ZFHX3: variants seen among roughly 807,000 people sequenced by gnomAD.
ZFHX3 encodes zinc finger homeobox protein 3.
In ZFHX3, 42 loss-of-function variants were observed where a neutral mutation model predicts 279.1. That is an observed-to-expected ratio of 0.15 (90% CI 0.12 to 0.19). The LOEUF (loss-of-function observed/expected upper bound fraction) is 0.19, where lower values mean the gene tolerates loss of function less well. Ranked by LOEUF, ZFHX3 falls within the 10% of genes least tolerant of loss-of-function variation. The pLI is 1.00. For synonymous variants in ZFHX3, 2,293 were observed against 1,957.8 expected, an observed-to-expected ratio of 1.17 and a Z score of -4.52; for missense variants, 4,981 against 4,754.0, an observed-to-expected ratio of 1.05 and a Z score of -1.40.
Position 72,797,264 on chromosome 16 carries a change from C to T in ZFHX3, c.5418G>A (p.Glu1806=), listed in dbSNP as rs771875195. 3.7e-6 allele frequency: 6 copies of T among 1,612,840 alleles called. No homozygotes were observed. The South Asian group carries it at 5.5e-5, about 15-fold the overall frequency. Residue 1806 remains glutamate (E), a synonymous_variant, in exon 9 of 10, where the codon GAG becomes GAA. Coordinates refer to ENST00000268489, the MANE Select transcript of ZFHX3 (RefSeq NM_006885.4). The part of the protein sequence containing the change: ...LLFPFYIPSA[E]FQLNPEVSLP... ...AGCTCACCTCGGGGTTAAGCTGGAACTCAGCACTGGGGATGTAGAAAGGGA... is the reference window on the plus strand; with the variant it reads ...AGCTCACCTCGGGGTTAAGCTGGAATTCAGCACTGGGGATGTAGAAAGGGA...
intron 1 of ZFHX3, among the ~76,000 whole-genome samples, chr16:73,044,680 G>C (rs999707494): frequency 6.6e-6 from 1 of 152,158 alleles, no homozygotes; most frequent in Non-Finnish European, 1.5e-5. Context: ...AGAATGCAAT[G>C]GCCCAATCTC....
intron 4 of ZFHX3, among the ~76,000 whole-genome samples, chr16:72,837,307 A>C (rs138501948): frequency 2.7e-3 from 414 of 152,306 alleles, no homozygotes; most frequent in African/African-American, 9.4e-3. Context: ...TTACCAAAAC[A>C]AAGTGGCCAA....
At chr16:73,796,242 T>A (rs1455112504) in intron 1 of ZFHX3, among the ~76,000 whole-genome samples, 1 of 152,180 alleles carries the variant, frequency 6.6e-6, no homozygotes, top group Non-Finnish European at 1.5e-5. Context: ...GCACAGCCAC[T>A]GCCAATTTAG....
chr16:73,662,740 C>T (rs956024448), intron 2 of ZFHX3, among the ~76,000 whole-genome samples: 4 of 152,024 alleles, frequency 2.6e-5, no homozygotes, highest in African/African-American at 4.8e-5. Context: ...CAATTCAAGG[C>T]GAAAATTCAA....
chr16:73,106,258 A>G (rs2144793684), intron 7 of ZFHX3, among the ~76,000 whole-genome samples: 1 of 152,118 alleles, frequency 6.6e-6, no homozygotes, highest in Admixed American at 6.6e-5. Context: ...GGCTGGATGA[A>G]TTGTAAAATA....
At chr16:73,132,647 C>G (rs928423045) in intron 6 of ZFHX3, among the ~76,000 whole-genome samples, 1 of 152,014 alleles carries the variant, frequency 6.6e-6, no homozygotes, top group African/African-American at 2.4e-5. Flanking sequence ...GCATCCCGGC[C>G]GTTTCTTACA....
intron 5 of ZFHX3, among the ~76,000 whole-genome samples, chr16:73,152,830 G>T (rs1966976706): frequency 6.6e-6 from 1 of 150,994 alleles, no homozygotes; most frequent in Non-Finnish European, 1.5e-5. Flanking sequence ...CTGGGGGGAA[G>T]GGAGGGGAGT....
At chr16:72,813,352 G>A (rs1990096) in intron 5 of ZFHX3, among the ~76,000 whole-genome samples, 5,029 of 152,208 alleles carry the variant, frequency 0.033, 604 homozygotes, top group East Asian at 0.28. Flanking sequence ...TTCCATTTAT[G>A]CTTGGGTTTG....
At chr16:72,899,772 G>T (rs2038986379) in intron 3 of ZFHX3, among the ~76,000 whole-genome samples, 1 of 152,116 alleles carries the variant, frequency 6.6e-6, no homozygotes, top group South Asian at 2.1e-4. Flanking sequence ...ACTGCTGGGA[G>T]GATTCAATGG....
intron 4 of ZFHX3, among the ~76,000 whole-genome samples, chr16:73,292,276 G>A (rs1323341328): frequency 2.0e-5 from 3 of 152,194 alleles, no homozygotes; most frequent in African/African-American, 7.2e-5. Flanking sequence ...AGCACAGGGT[G>A]TGACATGTGG....
rs180906242 is a variant in ZFHX3, at chr16:72,865,576, T to C, written c.3448+24155A>G. Among the ~76,000 whole-genome samples, 816 of 152,290 alleles carry C rather than the reference T, an allele frequency of 5.4e-3. 4 individuals are homozygous for C. The highest frequency in any genetic ancestry group is 8.3e-3 in the Non-Finnish European group (565 of 68,012). ...CACACTGACAAGGAGTATGCTGTCATAGGCTATAGGGACAGGTATAGGCAA... is the reference window on the plus strand; with the variant it reads ...CACACTGACAAGGAGTATGCTGTCACAGGCTATAGGGACAGGTATAGGCAA... On this transcript the variant is annotated intron_variant, in intron 4 of 9. Coordinates refer to ENST00000268489, the MANE Select transcript of ZFHX3 (RefSeq NM_006885.4).
chr16:72,865,009 T>A (rs914672254), intron 4 of ZFHX3, among the ~76,000 whole-genome samples: 2 of 152,192 alleles, frequency 1.3e-5, no homozygotes, highest in African/African-American at 4.8e-5. Flanking sequence ...CCAATATTCC[T>A]CTACCAATGA....
chr16:73,530,758 T>C (rs929139521), intron 2 of ZFHX3, among the ~76,000 whole-genome samples: 1 of 152,182 alleles, frequency 6.6e-6, no homozygotes, highest in Non-Finnish European at 1.5e-5. Context: ...TGCAACATGA[T>C]TGTTTGTGTG....
chr16:73,559,285 T>A (rs1169051785), intron 2 of ZFHX3, among the ~76,000 whole-genome samples: 1 of 152,136 alleles, frequency 6.6e-6, no homozygotes, highest in Non-Finnish European at 1.5e-5. Context: ...TGGCTTCAAG[T>A]GATCTTCCTG....
At chr16:73,613,092 G>T (rs143360385) in intron 2 of ZFHX3, among the ~76,000 whole-genome samples, 8 of 152,278 alleles carry the variant, frequency 5.3e-5, no homozygotes, top group African/African-American at 1.4e-4. Flanking sequence ...GAAATAGAAA[G>T]CAAGTTTTTA....
chr16:73,063,231 C>G (rs182446789), upstream of ZFHX3, among the ~76,000 whole-genome samples: 4 of 152,356 alleles, frequency 2.6e-5, no homozygotes, highest in Admixed American at 2.0e-4. Context: ...AGGGGCTGCT[C>G]TCATCCTGGA....
At chr16:73,888,959 T>C (rs2030439374) in intron 1 of ZFHX3, among the ~76,000 whole-genome samples, 1 of 146,208 alleles carries the variant, frequency 6.8e-6, no homozygotes, top group East Asian at 2.1e-4. Flanking sequence ...TACTCTCCAG[T>C]GCTGAGATAA....
At chr16:73,011,072 C>T (rs564349185) in intron 1 of ZFHX3, among the ~76,000 whole-genome samples, 2 of 152,268 alleles carry the variant, frequency 1.3e-5, no homozygotes, top group South Asian at 2.1e-4. Context: ...ACCTCGACCT[C>T]CCGGGTTTAA....
chr16:73,668,419 G>A (rs961176724), intron 2 of ZFHX3, among the ~76,000 whole-genome samples: 2 of 151,808 alleles, frequency 1.3e-5, no homozygotes, highest in Non-Finnish European at 2.9e-5. Context: ...ACCCATCATC[G>A]ACATTAGGTA....
Sources: gnomAD v4.1 joint callset for allele counts (sites outside exome capture counted in the v4.1 genomes callset) on GRCh38, gnomAD v4.1.1 for gene constraint, MANE v1.5 for transcripts, NCBI Gene and HGNC (gene_info 2026-07-23, HGNC 2026-07-21) for gene names.